The following PHGR1 variants were observed in gnomAD, a reference collection of about 807,000 sequenced individuals.
PHGR1 encodes proline, histidine and glycine-rich protein 1.
A neutral mutation model predicts 4.9 loss-of-function variants in PHGR1; 3 were observed. The ratio of observed to expected loss-of-function variants is 0.61; its 90% CI spans 0.28 to 1.58. The LOEUF (loss-of-function observed/expected upper bound fraction) is 1.58. PHGR1 is among the 40% of genes most tolerant of loss of function. The pLI, the probability that PHGR1 is intolerant of heterozygous loss-of-function variation, is 0.11. For synonymous variants in PHGR1, 32 were observed against 46.1 expected, an observed-to-expected ratio of 0.69 and a Z score of 1.24; for missense variants, 81 against 118.7, an observed-to-expected ratio of 0.68 and a Z score of 1.48.
At chr15:40,355,396 C>T (rs919836433) in intron 3 of PHGR1, among the ~76,000 whole-genome samples, 1 of 152,312 alleles carries the variant, frequency 6.6e-6, no homozygotes, top group South Asian at 2.1e-4. Flanking sequence ...ATGCACGTAT[C>T]TGTGTACATA....
chr15:40,354,239 G>C, intron 2 of PHGR1, 106 bp from the exon 3 acceptor site: 1 of 1,284,634 alleles, frequency 7.8e-7, no homozygotes, highest in Non-Finnish European at 1.1e-6. Flanking sequence ...TGTTGGGTTA[G>C]GGGTGTGGGC....
chr15:40,353,135 G>A, intron 1 of PHGR1, 97 bp from the exon 2 acceptor site: 1 of 925,392 alleles, frequency 1.1e-6, no homozygotes, highest in Non-Finnish European at 1.7e-6. Flanking sequence ...GTGTGTGTGT[G>A]TGTGTGTGTG....
chr15:40,355,847 T>C (rs1889285291), intron 3 of PHGR1, among the ~76,000 whole-genome samples: 1 of 152,214 alleles, frequency 6.6e-6, no homozygotes, highest in African/African-American at 2.4e-5. Context: ...GCTCAAAGAA[T>C]AGAAACCAAT....
intron 3 of PHGR1, among the ~76,000 whole-genome samples, chr15:40,355,621 G>A (rs1042659386): frequency 6.6e-6 from 1 of 151,538 alleles, no homozygotes; most frequent in African/African-American, 2.4e-5. Flanking sequence ...CCAGCCTCCT[G>A]TCTCCCCCTG....
At position 40,351,071 on chromosome 15, in the gene PHGR1, C is replaced by G. The variant is rs1035191819; in HGVS notation, c.-27+9C>G. On this transcript the variant is annotated intron_variant, in intron 1 of 3. Transcript: ENST00000448599. ...CTGCTCTGCACTCTCAGGTAGGGAC[C>G]TGGCTCTACTTGCTGTTGGCTGGGG... 6.6e-6 allele frequency: 1 copy of G among 152,556 alleles called. No individual in the cohort carries two copies. Among genetic ancestry groups the G allele is most frequent in the Admixed American group, 6.5e-5 (1 of 15,280 alleles). The allele number at this position is 152,556 out of a possible 1,614,324, so 9.5% of individuals were successfully genotyped here.
Position 40,356,311 on chromosome 15 carries a change from G to C in PHGR1, c.*8G>C. 1 of 1,549,794 alleles carries C rather than the reference G, an allele frequency of 6.5e-7. No homozygotes were observed. Among genetic ancestry groups the C allele is most frequent in the Non-Finnish European group, 8.7e-7 (1 of 1,146,622 alleles). On this transcript the variant is annotated 3_prime_UTR_variant, in exon 4 of 4. Transcript: ENST00000448599. ...CCTGGTCCACATCACTGAGGAAGTA[G>C]AAGAAAACAGGACACAAGATGGCAA...
intron 2 of PHGR1, among the ~76,000 whole-genome samples, chr15:40,354,073 C>G (rs957675226): frequency 1.2e-4 from 19 of 152,336 alleles, no homozygotes; most frequent in African/African-American, 4.1e-4. Flanking sequence ...GAACCCATAC[C>G]TCCTAACTGG....
At chr15:40,354,453 C>T in intron 3 of PHGR1, 101 bp downstream of exon 3, 3 of 1,367,958 alleles carry the variant, frequency 2.2e-6, no homozygotes, top group South Asian at 2.6e-5. Context: ...GCCACCACTT[C>T]CCCCAAATGA....
intron 3 of PHGR1, 27 bp downstream of exon 3, chr15:40,354,379 C>T: frequency 6.5e-7 from 1 of 1,531,338 alleles, no homozygotes; most frequent in Non-Finnish European, 8.8e-7. Context: ...AATGGTCTCC[C>T]CTTTTTCCTC....
At position 40,352,159 on chromosome 15, in the gene PHGR1, C is replaced by A. The variant is rs371656203; in HGVS notation, c.-26-1073C>A. Among the ~76,000 whole-genome samples, 32 of 152,174 alleles carry A rather than the reference C, an allele frequency of 2.1e-4. 1 individual carries two copies. The highest frequency in any genetic ancestry group is 6.7e-4 in the African/African-American group (28 of 41,492). Reference sequence around the variant, plus strand: ...TCGAGGCTTCAGTGAGCTGTGATCACGCCACTGCACTCCAGCCTGTATGAC... The same window carrying A: ...TCGAGGCTTCAGTGAGCTGTGATCAAGCCACTGCACTCCAGCCTGTATGAC... On this transcript the variant is annotated intron_variant, in intron 1 of 3. Coordinates refer to ENST00000448599, the MANE Select transcript of PHGR1 (RefSeq NM_001145643.2).
chr15:40,353,123 GT>G, intron 1 of PHGR1, 108 bp from the exon 2 acceptor site: 2 of 810,798 alleles, frequency 2.5e-6, no homozygotes, highest in Non-Finnish European at 3.9e-6. Context: ...GTGTGTGTGT[GT>G]GTGTGTGTGT....
chr15:40,354,440 G>T, intron 3 of PHGR1, 88 bp downstream of exon 3: 1 of 1,410,622 alleles, frequency 7.1e-7, no homozygotes, highest in Non-Finnish European at 9.6e-7. Context: ...CCCTCAGGGA[G>T]CAGCCACCAC....
At chr15:40,352,005 G>T (rs1889212770) in intron 1 of PHGR1, among the ~76,000 whole-genome samples, 1 of 152,094 alleles carries the variant, frequency 6.6e-6, no homozygotes, top group Non-Finnish European at 1.5e-5. Flanking sequence ...CCAAAGTGCT[G>T]GGATTACAGG....
At chr15:40,353,113 GTGTGTGT>G (rs1889231640) in intron 1 of PHGR1, 112 bp from the exon 2 acceptor site, 3 of 185,914 alleles carry the variant, frequency 1.6e-5, no homozygotes, top group East Asian at 1.8e-3. Context: ...TTTGAAGGGT[GTGTGTGT>G]GTGTGTGTGT....
At chr15:40,355,936 C>G in intron 3 of PHGR1, 137 bp from the exon 4 acceptor site, 8 of 879,972 alleles carry the variant, frequency 9.1e-6, no homozygotes, top group Non-Finnish European at 1.5e-5. Flanking sequence ...GCTACCCATG[C>G]CCCCAGCCCT....
chr15:40,354,280 GT>G (rs937671291), intron 2 of PHGR1, 64 bp from the exon 3 acceptor site: 40 of 1,408,192 alleles, frequency 2.8e-5, no homozygotes, highest in East Asian at 8.0e-5. Context: ...GAGAAGACAG[GT>G]TTTTTTTTAC....
In PHGR1 at chr15:40,354,308, C is replaced by G. The variant is rs1248182774; in HGVS notation, c.11-37C>G. ...TTTTTTTACTGCAGAACCAAATGAC[C>G]AAAGCTGCTTCTTTTTTTTCCCTTC... On this transcript the variant is annotated intron_variant, in intron 2 of 3. Coordinates refer to ENST00000448599, the MANE Select transcript of PHGR1 (RefSeq NM_001145643.2). 14 of 1,496,476 alleles carry G rather than the reference C, an allele frequency of 9.4e-6. No homozygotes were observed. In the East Asian group the frequency reaches 3.6e-4, roughly 38 times the overall value. The allele number at this position is 1,496,476 out of a possible 1,614,324, so 92.7% of individuals were successfully genotyped here. A position where few individuals can be genotyped will look rare whatever the true frequency, so the allele number is the denominator to read the frequency against.
chr15:40,351,402 T>C (rs1337812969), intron 1 of PHGR1, among the ~76,000 whole-genome samples: 1 of 152,168 alleles, frequency 6.6e-6, no homozygotes, highest in African/African-American at 2.4e-5. Context: ...GGGAGATACA[T>C]TCTGAGGATT....
chr15:40,353,146 T>TGCGCGC lies in PHGR1; in HGVS notation c.-26-77_-26-72dup, dbSNP rs1555399083. On this transcript the variant is annotated intron_variant, in intron 1 of 3. Transcript: ENST00000448599. ...GTGTGTGTGTGTGTGTGTGTGTGTG[T>TGCGCGC]GCGCGCGCGCGCGCATCCGTGGGAG... 1.2e-5 allele frequency: 9 copies of TGCGCGC among 776,222 alleles called. No homozygotes were observed. In the African/African-American group the frequency reaches 1.2e-4, roughly 10 times the overall value. The allele number at this position is 776,222 out of a possible 1,614,324, so 48.1% of individuals were successfully genotyped here. A position where few individuals can be genotyped will look rare whatever the true frequency, so the allele number is the denominator to read the frequency against.
Sources: gnomAD v4.1 joint callset for allele counts (sites outside exome capture counted in the v4.1 genomes callset) on GRCh38, gnomAD v4.1.1 for gene constraint, MANE v1.5 for transcripts, NCBI Gene and HGNC (gene_info 2026-07-23, HGNC 2026-07-21) for gene names.